SLC44A1: variants seen among roughly 807,000 people sequenced by gnomAD.
SLC44A1 encodes solute carrier family 44 member 1, also known as choline transporter-like protein 1.
Under a neutral mutation model 79.3 loss-of-function variants are expected in SLC44A1, and 26 were observed. The observed-to-expected ratio is 0.33, with a 90% CI of 0.24 to 0.46. The LOEUF (loss-of-function observed/expected upper bound fraction) is 0.46, where lower values mean the gene tolerates loss of function less well. Among genes scored for constraint, SLC44A1 ranks in the 20% least tolerant of loss-of-function variants. The pLI is 1.00. For missense variants in SLC44A1, 688 were observed against 798.1 expected (o/e 0.86, Z 1.66); for synonymous variants, 263 against 286.2 (o/e 0.92, Z 0.82).
intron 1 of SLC44A1, among the ~76,000 whole-genome samples, chr9:105,297,782 G>T (rs1830766131): frequency 6.6e-6 from 1 of 152,112 alleles, no homozygotes; most frequent in African/African-American, 2.4e-5. Flanking sequence ...ACTAAGCCTG[G>T]TTGCACTCTA....
rs563550566 is a variant in SLC44A1 at position 105,363,528 on chromosome 9, G to A, written c.1087+521G>A. 2.9e-4 allele frequency among the ~76,000 whole-genome samples: 42 copies of A among 147,356 alleles called. No homozygotes were observed. In the South Asian group the frequency reaches 9.1e-3, roughly 32 times the overall value. ...CACACAAACTGGAGTGCAGTGGTGTGATCTCAGCTCACTGCAACCTCAGCC... is the reference window on the plus strand; with the variant it reads ...CACACAAACTGGAGTGCAGTGGTGTAATCTCAGCTCACTGCAACCTCAGCC... On this transcript the variant is annotated intron_variant, in intron 9 of 15. Coordinates refer to ENST00000374720, the MANE Select transcript of SLC44A1 (RefSeq NM_080546.5).
chr9:105,387,728 G>T (rs748791572), intron 15 of SLC44A1, among the ~76,000 whole-genome samples: 15 of 152,066 alleles, frequency 9.9e-5, no homozygotes, highest in Admixed American at 3.9e-4. Flanking sequence ...TTGAAGACTA[G>T]GTAATGTGGC....
At chr9:105,302,705 C>A (rs12348136) in intron 2 of SLC44A1, among the ~76,000 whole-genome samples, 24,207 of 151,698 alleles carry the variant, frequency 0.16, 2,780 homozygotes, top group African/African-American at 0.32. Flanking sequence ...ATTCCTCAGG[C>A]CTACCTCAGG....
chr9:105,262,076 G>A (rs1369852339), intron 1 of SLC44A1, among the ~76,000 whole-genome samples: 1 of 152,058 alleles, frequency 6.6e-6, no homozygotes, highest in Non-Finnish European at 1.5e-5. Context: ...GAGCCACCAC[G>A]CCTGGCCCTG....
intron 15 of SLC44A1, among the ~76,000 whole-genome samples, chr9:105,431,621 A>C (rs942674118): frequency 3.3e-5 from 5 of 152,162 alleles, no homozygotes; most frequent in Non-Finnish European, 5.9e-5. Context: ...GCGCCTGAAA[A>C]TAGTTTGTAC....
chr9:105,389,333 T>A lies in SLC44A1; in HGVS notation c.*277T>A. On this transcript the variant is annotated 3_prime_UTR_variant, in exon 16 of 16. Coordinates refer to ENST00000374720, the MANE Select transcript of SLC44A1 (RefSeq NM_080546.5). ...TTTAATGTTTTCAACTGTAATTGTC[T>A]TAATGGAAATGTTAAAATTCATATC... 1 of 1,148,728 alleles carries A rather than the reference T, an allele frequency of 8.7e-7. No homozygotes were observed. Among genetic ancestry groups the A allele is most frequent in the South Asian group, 4.1e-5 (1 of 24,502 alleles). 71.2% of individuals were successfully genotyped at this position (1,148,728 alleles called of 1,614,324 possible).
chr9:105,356,991 CCTT>C (rs1395839085), intron 6 of SLC44A1, among the ~76,000 whole-genome samples: 1 of 152,106 alleles, frequency 6.6e-6, no homozygotes, highest in African/African-American at 2.4e-5. Context: ...AATGTATAGG[CCTT>C]CTTAGTTGGG....
At chr9:105,293,650 C>T (rs181592820) in intron 1 of SLC44A1, among the ~76,000 whole-genome samples, 2 of 152,316 alleles carry the variant, frequency 1.3e-5, no homozygotes, top group African/African-American at 4.8e-5. Context: ...CACTGTTGAT[C>T]CCTCCAGTGA....
intron 2 of SLC44A1, among the ~76,000 whole-genome samples, chr9:105,301,923 C>G (rs1427628216): frequency 1.3e-5 from 2 of 152,162 alleles, no homozygotes; most frequent in Non-Finnish European, 2.9e-5. Context: ...TATTCTCTGA[C>G]TTTATTTGCA....
chr9:105,277,926 G>A (rs1830248342), intron 1 of SLC44A1, among the ~76,000 whole-genome samples: 1 of 152,210 alleles, frequency 6.6e-6, no homozygotes, highest in African/African-American at 2.4e-5. Flanking sequence ...TGGGGCTCAT[G>A]CTTTCTTCTT....
intron 14 of SLC44A1, among the ~76,000 whole-genome samples, chr9:105,384,999 T>G (rs1489991135): frequency 6.6e-6 from 1 of 152,240 alleles, no homozygotes. Flanking sequence ...TGTGTTCTTT[T>G]ACCTTCTATG....
At chr9:105,403,823 T>C (rs1452871197) in intron 15 of SLC44A1, among the ~76,000 whole-genome samples, 1 of 146,608 alleles carries the variant, frequency 6.8e-6, no homozygotes, top group African/African-American at 2.5e-5. Context: ...TGTGAATCTG[T>C]ACTGAAGTGT....
intron 15 of SLC44A1, among the ~76,000 whole-genome samples, chr9:105,404,166 C>A (rs543867216): frequency 3.7e-5 from 5 of 134,418 alleles, no homozygotes; most frequent in African/African-American, 1.4e-4. Flanking sequence ...ACCTGGGAGG[C>A]GGAGGTTGCA....
intron 1 of SLC44A1, among the ~76,000 whole-genome samples, chr9:105,246,422 C>T (rs327957): frequency 0.25 from 27,403 of 111,078 alleles, 4,435 homozygotes; most frequent in African/African-American, 0.5. Context: ...TTTTTTTTTT[C>T]CTGCTAGCAT....
At chr9:105,323,881 C>T (rs562427793) in intron 3 of SLC44A1, among the ~76,000 whole-genome samples, 2 of 152,348 alleles carry the variant, frequency 1.3e-5, no homozygotes, top group African/African-American at 4.8e-5. Flanking sequence ...AAACTTTCCC[C>T]ACTCTCACCA....
At chr9:105,330,185 G>A (rs957006112) in intron 3 of SLC44A1, among the ~76,000 whole-genome samples, 1 of 152,152 alleles carries the variant, frequency 6.6e-6, no homozygotes, top group Admixed American at 6.5e-5. Context: ...TACAGGTAGG[G>A]CTTTGTCTGT....
rs1829382313 is a variant in SLC44A1, at chr9:105,244,758, C to T, written c.-111C>T. ...CGCTGCAGCCGCCGCCGCCGCCTAGCCGTGCGGTGCCAGGCCGCGCCCTCC... is the reference window on the plus strand; with the variant it reads ...CGCTGCAGCCGCCGCCGCCGCCTAGTCGTGCGGTGCCAGGCCGCGCCCTCC... On this transcript the variant is annotated 5_prime_UTR_variant, in exon 1 of 16. Transcript: ENST00000374720. 5.9e-6 allele frequency: 3 copies of T among 507,802 alleles called. No homozygotes were observed. Among genetic ancestry groups the T allele is most frequent in the Admixed American group, 5.2e-5 (1 of 19,392 alleles). The allele number at this position is 507,802 out of a possible 1,614,324, so 31.5% of individuals were successfully genotyped here.
At position 105,316,991 on chromosome 9, in the gene SLC44A1, T is replaced by G. The variant is rs540157163; in HGVS notation, c.269+7125T>G. On this transcript the variant is annotated intron_variant, in intron 3 of 15. Transcript: ENST00000374720. ...TGGGTTTTGAAGGCTGAAATCAAAG[T>G]GTTGACAGGGCTGTGATTTTTTTCT... Among the ~76,000 whole-genome samples the G allele has an allele frequency of 6.6e-5, 10 of 152,246 alleles. No individual in the cohort carries two copies. In the East Asian group the frequency reaches 1.9e-3, roughly 29 times the overall value.
intron 5 of SLC44A1, among the ~76,000 whole-genome samples, chr9:105,348,963 T>G (rs1393769891): frequency 6.6e-6 from 1 of 152,196 alleles, no homozygotes; most frequent in African/African-American, 2.4e-5. Flanking sequence ...ATCCAAGGTC[T>G]TCTTCAACAA....
Sources: gnomAD v4.1 joint callset for allele counts (sites outside exome capture counted in the v4.1 genomes callset) on GRCh38, gnomAD v4.1.1 for gene constraint, MANE v1.5 for transcripts, NCBI Gene and HGNC (gene_info 2026-07-23, HGNC 2026-07-21) for gene names.